Variants in NCOA3 observed in about 807,000 individuals in gnomAD.
The protein encoded by NCOA3 is nuclear receptor coactivator 3.
NCOA3 carries 51 observed loss-of-function variants against 158.8 expected under a neutral mutation model. That is an observed-to-expected ratio of 0.32 (90% confidence interval 0.26 to 0.41). The LOEUF (loss-of-function observed/expected upper bound fraction) is 0.41, where lower values mean the gene tolerates loss of function less well. NCOA3 is among the 10% of genes least tolerant of loss of function. The probability of loss-of-function intolerance (pLI) is 1.00; values close to 1 mark genes in which losing one functional copy is unlikely to be tolerated. For synonymous variants in NCOA3, 537 were observed against 592.4 expected (o/e 0.91, Z 1.36); for missense variants, 1,510 against 1,746.6 (o/e 0.86, Z 2.41).
intron 2 of NCOA3, among the ~76,000 whole-genome samples, chr20:47,589,815 A>G (rs773579467): frequency 6.6e-6 from 1 of 152,180 alleles, no homozygotes; most frequent in African/African-American, 2.4e-5. Context: ...CCCTAAATTT[A>G]CTGAGTCATT....
At chr20:47,595,483 C>T (rs6094745) in intron 2 of NCOA3, among the ~76,000 whole-genome samples, 1,820 of 152,228 alleles carry the variant, frequency 0.012, 35 homozygotes, top group African/African-American at 0.042. Context: ...TGCAAAGGAC[C>T]GTGATTTATA....
Position 47,624,815 on chromosome 20 carries a change from C to T in NCOA3, c.257-566C>T, listed in dbSNP as rs116772808. On this transcript the variant is annotated intron_variant, in intron 4 of 22. Coordinates refer to ENST00000371998, the MANE Select transcript of NCOA3 (RefSeq NM_181659.3). ...TGAGATGGTGTCTCGCTTTGTCTCT[C>T]GGGCTGGAGTGCAGTGGTGTGATCT... is the stretch of plus-strand genomic sequence containing the variant. Among the ~76,000 whole-genome samples, 750 of 152,236 alleles carry T rather than the reference C, an allele frequency of 4.9e-3. 7 individuals are homozygous for T. Among genetic ancestry groups the T allele is most frequent in the African/African-American group, 0.017 (688 of 41,524 alleles).
At chr20:47,570,330 C>A (rs997830535) in intron 1 of NCOA3, among the ~76,000 whole-genome samples, 1 of 151,930 alleles carries the variant, frequency 6.6e-6, no homozygotes, top group Non-Finnish European at 1.5e-5. Flanking sequence ...AGTCCCAGCT[C>A]CTCAGGAAGC....
At chr20:47,537,615 G>C (rs1286271705) in intron 1 of NCOA3, among the ~76,000 whole-genome samples, 3 of 147,714 alleles carry the variant, frequency 2.0e-5, no homozygotes, top group Non-Finnish European at 4.5e-5. Flanking sequence ...GTCTTGCTCT[G>C]TCGCCCAAGC....
chr20:47,562,483 G>A (rs886363282), intron 1 of NCOA3, among the ~76,000 whole-genome samples: 2 of 151,886 alleles, frequency 1.3e-5, no homozygotes, highest in African/African-American at 4.8e-5. Flanking sequence ...CCCTGATGAC[G>A]TGTGATGTGG....
At chr20:47,565,740 G>A (rs2085182868) in intron 1 of NCOA3, among the ~76,000 whole-genome samples, 1 of 152,094 alleles carries the variant, frequency 6.6e-6, no homozygotes. Flanking sequence ...AAGAAACTGA[G>A]GAGGGAGGTG....
In NCOA3 at chr20:47,618,686, G is replaced by A. The variant is rs2086186277; in HGVS notation, c.-19-3543G>A. ...AGTACCTTTTTGGATAATTAGGTTG[G>A]ACTCTGAAGGAGTAAGTTTGGTAGC... On this transcript the variant is annotated intron_variant, in intron 2 of 22. Coordinates refer to ENST00000371998, the MANE Select transcript of NCOA3 (RefSeq NM_181659.3). 2.0e-5 allele frequency among the ~76,000 whole-genome samples: 3 copies of A among 152,156 alleles called. No individual in the cohort carries two copies. The South Asian group carries it at 6.2e-4, about 32-fold the overall frequency.
At chr20:47,522,667 C>G (rs1384554942) in intron 1 of NCOA3, among the ~76,000 whole-genome samples, 1 of 151,926 alleles carries the variant, frequency 6.6e-6, no homozygotes, top group East Asian at 1.9e-4. Flanking sequence ...CCCTCCCACC[C>G]TGGCCTTTTA....
chr20:47,614,583 T>G (rs1030216398), intron 2 of NCOA3, among the ~76,000 whole-genome samples: 8 of 152,328 alleles, frequency 5.3e-5, no homozygotes, highest in African/African-American at 1.7e-4. Context: ...ACAGATAAAC[T>G]AAATTGCTGC....
intron 1 of NCOA3, among the ~76,000 whole-genome samples, chr20:47,527,003 A>C (rs957863709): frequency 1.3e-5 from 2 of 152,170 alleles, no homozygotes; most frequent in African/African-American, 2.4e-5. Context: ...AATTTGAATA[A>C]TTTATTCTTA....
In NCOA3 at chr20:47,636,366, CTCCTCTACATCTGGAGGAGTA is replaced by C. The variant is rs761058221; in HGVS notation, c.1992_2012del (p.Gly665_Ser671del). Reference sequence around the variant, plus strand: ...GTGTCACCAGCCCCTCTGGAGTCTCCTCCTCTACATCTGGAGGAGTATCCTCTACATCCAATATGCATGGGT... The same window carrying C: ...GTGTCACCAGCCCCTCTGGAGTCTCCTCCTCTACATCCAATATGCATGGGT... On this transcript the variant is annotated inframe_deletion, in exon 12 of 23. Transcript: ENST00000371998. The C allele has an allele frequency of 1.2e-6, 2 of 1,614,170 alleles. No individual in the cohort carries two copies. Among genetic ancestry groups the C allele is most frequent in the South Asian group, 2.2e-5 (2 of 91,070 alleles).
intron 1 of NCOA3, among the ~76,000 whole-genome samples, chr20:47,576,334 C>T (rs767530839): frequency 6.6e-6 from 1 of 152,148 alleles, no homozygotes; most frequent in Non-Finnish European, 1.5e-5. Context: ...GGATACACAA[C>T]CAGTATTATC....
At chr20:47,523,176 C>T (rs555037970) in intron 1 of NCOA3, among the ~76,000 whole-genome samples, 21 of 152,242 alleles carry the variant, frequency 1.4e-4, no homozygotes, top group African/African-American at 4.8e-4. Flanking sequence ...ATAGAGCGAG[C>T]CTCCGTCTCA....
chr20:47,579,248 G>T (rs1361615226), intron 1 of NCOA3, among the ~76,000 whole-genome samples: 3 of 152,224 alleles, frequency 2.0e-5, no homozygotes, highest in African/African-American at 7.2e-5. Context: ...TGGCGTTACA[G>T]GTGTGCGCTG....
chr20:47,652,487 C>T lies in NCOA3; in HGVS notation c.4028C>T (p.Ser1343Phe), dbSNP rs369893954. 6.2e-5 allele frequency: 100 copies of T among 1,613,980 alleles called. No homozygotes were observed. Among genetic ancestry groups the T allele is most frequent in the Non-Finnish European group, 8.0e-5 (94 of 1,179,950 alleles). The part of the protein sequence containing the change: ...NAMMSSRMGP[S>F]QNPMMQHPQA... ...ATGATGTCGTCAAGAATGGGTCCCT[C>T]CCAGAATCCCATGATGCAACACCCG... Residue 1343 changes from serine to phenylalanine, a missense_variant, in exon 21 of 23, where the codon TCC (serine) becomes TTC (phenylalanine). Transcript: ENST00000371998.
intron 1 of NCOA3, among the ~76,000 whole-genome samples, chr20:47,529,137 CT>C (rs962146166): frequency 1.3e-3 from 187 of 141,282 alleles, no homozygotes; most frequent in African/African-American, 1.3e-3. Context: ...AATTTTTTTT[CT>C]TTTTTTTTTT....
chr20:47,543,789 C>A (rs2084782989), intron 1 of NCOA3, among the ~76,000 whole-genome samples: 1 of 152,156 alleles, frequency 6.6e-6, no homozygotes, highest in Admixed American at 6.6e-5. Context: ...GGATTACAGG[C>A]GTGAGCCACT....
At chr20:47,615,983 C>T (rs889882041) in intron 2 of NCOA3, among the ~76,000 whole-genome samples, 3 of 151,694 alleles carry the variant, frequency 2.0e-5, no homozygotes, top group African/African-American at 7.3e-5. Flanking sequence ...TATGGTGAAA[C>T]CCCATCTCTA....
intron 10 of NCOA3, 139 bp from the exon 11 acceptor site, chr20:47,635,183 C>A: frequency 1.3e-6 from 1 of 782,432 alleles, no homozygotes; most frequent in Non-Finnish European, 1.9e-6. Flanking sequence ...CCTGCCTCAG[C>A]TTCCCAAAGT....
Sources: gnomAD v4.1 joint callset for allele counts (sites outside exome capture counted in the v4.1 genomes callset) on GRCh38, gnomAD v4.1.1 for gene constraint, MANE v1.5 for transcripts, NCBI Gene and HGNC (gene_info 2026-07-23, HGNC 2026-07-21) for gene names.